ACSM4: variants seen among roughly 807,000 people sequenced by gnomAD.
The protein encoded by ACSM4 is acyl-coenzyme A synthetase ACSM4, mitochondrial.
A neutral mutation model predicts 73.0 loss-of-function variants in ACSM4; 66 were observed. The observed-to-expected ratio is 0.90, with a 90% CI of 0.74 to 1.11. ACSM4 has a LOEUF of 1.11. ACSM4 is among the 50% of genes least tolerant of loss of function. The pLI is 0.00. For missense variants in ACSM4, 645 were observed against 714.4 expected, an observed-to-expected ratio of 0.90 and a Z score of 1.11; for synonymous variants, 222 against 254.0, an observed-to-expected ratio of 0.87 and a Z score of 1.20.
intron 12 of ACSM4, among the ~76,000 whole-genome samples, chr12:7,327,622 A>G (rs951817849): frequency 6.6e-6 from 1 of 152,170 alleles, no homozygotes; most frequent in Non-Finnish European, 1.5e-5. Flanking sequence ...CCTTCTAACC[A>G]TGGAACTGGG....
At chr12:7,324,143 G>C (rs1946485476) in intron 9 of ACSM4, 130 bp from the exon 10 acceptor site, 3 of 1,098,684 alleles carry the variant, frequency 2.7e-6, no homozygotes, top group Non-Finnish European at 2.5e-6. Flanking sequence ...GCAACAGAGA[G>C]AGACTCTGTC....
intron 11 of ACSM4, among the ~76,000 whole-genome samples, chr12:7,325,841 A>G (rs1300357711): frequency 6.6e-6 from 1 of 152,072 alleles, no homozygotes; most frequent in Non-Finnish European, 1.5e-5. Context: ...TTTCAAAACA[A>G]TTTGTCAGCA....
At chr12:7,313,227 A>G (rs771553769) in intron 3 of ACSM4, among the ~76,000 whole-genome samples, 1 of 152,220 alleles carries the variant, frequency 6.6e-6, no homozygotes, top group Non-Finnish European at 1.5e-5. Flanking sequence ...AAGATACCAC[A>G]AAATTTACAA....
intron 3 of ACSM4, among the ~76,000 whole-genome samples, chr12:7,314,190 G>A (rs1355297652): frequency 6.6e-6 from 1 of 152,174 alleles, no homozygotes; most frequent in Non-Finnish European, 1.5e-5. Context: ...TTTTGACTTA[G>A]GTGATTGGTA....
chr12:7,310,783 A>G (rs1441571626), intron 3 of ACSM4, 37 bp downstream of exon 3: 3 of 1,578,424 alleles, frequency 1.9e-6, no homozygotes, highest in Non-Finnish European at 2.6e-6. Context: ...ACTGCTGGCA[A>G]CAACACAAAT....
intron 5 of ACSM4, 82 bp downstream of exon 5, chr12:7,318,264 A>G: frequency 6.5e-7 from 1 of 1,528,310 alleles, no homozygotes. Flanking sequence ...ATTCCTTAGA[A>G]TACAAGGCTT....
intron 1 of ACSM4, among the ~76,000 whole-genome samples, chr12:7,306,328 C>T (rs748711972): frequency 1.3e-5 from 2 of 152,258 alleles, no homozygotes; most frequent in African/African-American, 4.8e-5. Flanking sequence ...ACCTACTGCT[C>T]GGGGAAGGGT....
In ACSM4 at chr12:7,310,567, GC is replaced by G. The variant is rs768944722; in HGVS notation, c.442del (p.Leu148Ter). On this transcript the variant is annotated frameshift_variant, in exon 3 of 13. Transcript: ENST00000399422. LOFTEE classifies it high-confidence loss of function. ...TCATCTTCATGCCGGGAACAATCCAGCTGACAGCAAAAGACATCCTCTACCG... is the reference window on the plus strand; with the variant it reads ...TCATCTTCATGCCGGGAACAATCCAGTGACAGCAAAAGACATCCTCTACCG... ...GIIFMPGTIQ[L>X]TAKDILYRLR... The G allele has an allele frequency of 6.2e-7, 1 of 1,609,686 alleles. No individual in the cohort carries two copies. Among genetic ancestry groups the G allele is most frequent in the Admixed American group, 1.7e-5 (1 of 59,622 alleles).
intron 4 of ACSM4, 129 bp downstream of exon 4, chr12:7,317,409 C>G (rs1205170716): frequency 1.4e-5 from 18 of 1,300,038 alleles, no homozygotes; most frequent in Non-Finnish European, 1.8e-5. Flanking sequence ...CAAAACAGAA[C>G]TCTTGCTGGC....
rs1340137620 is a variant in ACSM4 at position 7,317,016 on chromosome 12, A to G, written c.621-121A>G. The G allele has an allele frequency of 1.6e-5, 20 of 1,224,820 alleles. 1 individual carries two copies. The highest frequency in any genetic ancestry group is 5.8e-4 in the Middle Eastern group (2 of 3,468). The allele number at this position is 1,224,820 out of a possible 1,614,324, so 75.9% of individuals were successfully genotyped here. ...ATTCCTCTCAGGAAAGCTTTGGATTAGGTTCAGTTCTGTTAACTATCTTCT... is the reference window on the plus strand; with the variant it reads ...ATTCCTCTCAGGAAAGCTTTGGATTGGGTTCAGTTCTGTTAACTATCTTCT... On this transcript the variant is annotated intron_variant, in intron 3 of 12. Transcript: ENST00000399422.
chr12:7,317,576 T>C (rs1946430838), intron 4 of ACSM4, among the ~76,000 whole-genome samples: 1 of 152,210 alleles, frequency 6.6e-6, no homozygotes, highest in Non-Finnish European at 1.5e-5. Flanking sequence ...AGAGAGGCTA[T>C]CCGACCATTG....
intron 3 of ACSM4, among the ~76,000 whole-genome samples, chr12:7,312,567 T>C (rs1171029290): frequency 2.0e-5 from 3 of 152,202 alleles, no homozygotes; most frequent in Admixed American, 1.3e-4. Context: ...ATAAACCAAA[T>C]ACTACTGGCC....
At position 7,320,946 on chromosome 12, in the gene ACSM4, G is replaced by A. The variant is rs1051063619; in HGVS notation, c.1001+142G>A. Reference sequence around the variant, plus strand: ...TTTTGAACCGAATAATTCTATCGTCGGAGGACGGTCGTATGCATTACAGAA... The same window carrying A: ...TTTTGAACCGAATAATTCTATCGTCAGAGGACGGTCGTATGCATTACAGAA... On this transcript the variant is annotated intron_variant, in intron 6 of 12. Coordinates refer to ENST00000399422, the MANE Select transcript of ACSM4 (RefSeq NM_001080454.2). 113 of 775,750 alleles carry A rather than the reference G, an allele frequency of 1.5e-4. 1 individual carries two copies. Among genetic ancestry groups the A allele is most frequent in the African/African-American group, 7.0e-4 (41 of 58,428 alleles). 48.1% of individuals were successfully genotyped at this position (775,750 alleles called of 1,614,324 possible).
rs1352562608 is a variant in ACSM4, at chr12:7,326,714, A to AAT, written c.1537-255_1537-254dup. The stretch of plus-strand genomic sequence containing the variant: ...TAGGATCAGTCTGATTGAAATGTTA[A>AAT]ATATATATGTATCTATAAATAGAAC... On this transcript the variant is annotated intron_variant, in intron 11 of 12. Transcript: ENST00000399422. Among the ~76,000 whole-genome samples, 5 of 152,260 alleles carry AAT rather than the reference A, an allele frequency of 3.3e-5. No individual in the cohort carries two copies. In the East Asian group the frequency reaches 5.8e-4, roughly 18 times the overall value.
At position 7,304,457 on chromosome 12, in the gene ACSM4, T is replaced by A; in HGVS notation, c.126T>A (p.Asn42Lys). 1 of 1,613,990 alleles carries A rather than the reference T, an allele frequency of 6.2e-7. No individual in the cohort carries two copies. Among genetic ancestry groups the A allele is most frequent in the East Asian group, 2.2e-5 (1 of 44,874 alleles). The change falls in exon 1 of 13, where the codon AAT becomes AAA. Residue 42 changes from asparagine to lysine, a missense_variant. By Grantham distance (94) the Asn-to-Lys change is moderately conservative. Transcript: ENST00000399422. ...PLTLADFEAINRCNRPLPKNF... is the reference protein window; with the variant it reads ...PLTLADFEAIKRCNRPLPKNF... ...CTCTTGCTGACTTTGAAGCCATAAA[T>A]CGCTGTAACAGGCCATTGCCTAAAA...
intron 2 of ACSM4, among the ~76,000 whole-genome samples, chr12:7,307,741 C>T (rs1019969437): frequency 2.0e-5 from 3 of 152,144 alleles, no homozygotes; most frequent in Non-Finnish European, 4.4e-5. Context: ...CAGCCATGCT[C>T]ATTTATTTAT....
intron 2 of ACSM4, 100 bp downstream of exon 2, chr12:7,306,843 A>AAT: frequency 4.4e-6 from 4 of 903,468 alleles, no homozygotes; most frequent in African/African-American, 2.3e-5. Flanking sequence ...ATGCATACAG[A>AAT]AGACAAAAAA....
chr12:7,314,557 G>T (rs778344793), intron 3 of ACSM4, among the ~76,000 whole-genome samples: 1 of 152,160 alleles, frequency 6.6e-6, no homozygotes, highest in Non-Finnish European at 1.5e-5. Flanking sequence ...TAGATAGGTA[G>T]ATAGGTGGAT....
chr12:7,324,192 A>G, intron 9 of ACSM4, 81 bp from the exon 10 acceptor site: 1 of 1,518,124 alleles, frequency 6.6e-7, no homozygotes, highest in South Asian at 1.2e-5. Flanking sequence ...TAGGATGTGT[A>G]ATGTACTAGT....
Sources: gnomAD v4.1 joint callset for allele counts (sites outside exome capture counted in the v4.1 genomes callset) on GRCh38, gnomAD v4.1.1 for gene constraint, MANE v1.5 for transcripts, NCBI Gene and HGNC (gene_info 2026-07-23, HGNC 2026-07-21) for gene names.